NRXN3: variants seen among roughly 807,000 people sequenced by gnomAD.
NRXN3 encodes neurexin III.
A neutral mutation model predicts 137.6 loss-of-function variants in NRXN3; 32 were observed. The ratio of observed to expected loss-of-function variants is 0.23; its 90% CI spans 0.18 to 0.31. The LOEUF is 0.31. NRXN3 is among the 10% of genes least tolerant of loss of function. The pLI is 1.00. For synonymous variants in NRXN3, 798 were observed against 784.5 expected (o/e 1.02, Z -0.29); for missense variants, 1,574 against 2,062.5 (o/e 0.76, Z 4.59).
At chr14:79,622,853 C>T (rs1165392766) in intron 16 of NRXN3, among the ~76,000 whole-genome samples, 1 of 152,170 alleles carries the variant, frequency 6.6e-6, no homozygotes, top group Non-Finnish European at 1.5e-5. Context: ...GCCTCGGCCT[C>T]CCAAAGTGCT....
At chr14:78,175,889 A>C (rs1012787691) in intron 1 of NRXN3, among the ~76,000 whole-genome samples, 1 of 152,178 alleles carries the variant, frequency 6.6e-6, no homozygotes, top group African/African-American at 2.4e-5. Flanking sequence ...TCATTATTTA[A>C]TATTATATTA....
At chr14:78,441,046 G>GT (rs1156774299) in intron 4 of NRXN3, among the ~76,000 whole-genome samples, 10 of 152,114 alleles carry the variant, frequency 6.6e-5, no homozygotes, top group African/African-American at 1.2e-4. Flanking sequence ...CTGTCCTGAA[G>GT]GCTGCACCTC....
chr14:78,262,965 G>A (rs17754986), intron 2 of NRXN3, among the ~76,000 whole-genome samples: 25,702 of 152,052 alleles, frequency 0.17, 2,548 homozygotes, highest in Middle Eastern at 0.25. Context: ...GTAGTACAAA[G>A]ATACACAAGG....
chr14:78,421,104 A>C (rs1313335069), intron 4 of NRXN3, among the ~76,000 whole-genome samples: 1 of 152,148 alleles, frequency 6.6e-6, no homozygotes, highest in Non-Finnish European at 1.5e-5. Flanking sequence ...CTCTACTAAA[A>C]ATACAAAAAT....
At position 79,767,454 on chromosome 14, in the gene NRXN3, CT is replaced by C. The variant is rs536976821; in HGVS notation, c.4015-37657del. 3.6e-4 allele frequency among the ~76,000 whole-genome samples: 55 copies of C among 152,308 alleles called. 1 individual carries two copies. The South Asian group carries it at 0.01, about 29-fold the overall frequency. Reference sequence around the variant, plus strand: ...CCATGTCAGATTTTTCACTTATATGCTGTCATAACCTCATGCATTTCTCTTT... The same window carrying C: ...CCATGTCAGATTTTTCACTTATATGCGTCATAACCTCATGCATTTCTCTTT... On this transcript the variant is annotated intron_variant, in intron 19 of 20. Transcript: ENST00000335750.
intron 15 of NRXN3, among the ~76,000 whole-genome samples, chr14:79,368,435 A>G (rs1258389394): frequency 1.3e-5 from 2 of 152,258 alleles, no homozygotes; most frequent in East Asian, 3.9e-4. Flanking sequence ...TAATAAGCAC[A>G]GAATAAAGAA....
At chr14:79,739,266 G>A (rs1313810618) in intron 19 of NRXN3, among the ~76,000 whole-genome samples, 1 of 152,124 alleles carries the variant, frequency 6.6e-6, no homozygotes, top group Non-Finnish European at 1.5e-5. Flanking sequence ...CATAAAACAG[G>A]AAGGACAAGA....
intron 16 of NRXN3, among the ~76,000 whole-genome samples, chr14:79,546,769 T>C (rs891251265): frequency 3.3e-5 from 5 of 152,170 alleles, no homozygotes; most frequent in Admixed American, 1.3e-4. Flanking sequence ...GGACTGTTCA[T>C]CAAGTCATTT....
intron 16 of NRXN3, among the ~76,000 whole-genome samples, chr14:79,471,900 C>T (rs1009873376): frequency 2.0e-5 from 3 of 151,982 alleles, no homozygotes; most frequent in Non-Finnish European, 4.4e-5. Flanking sequence ...TAGGTAAACT[C>T]GTGTCATGGG....
intron 15 of NRXN3, among the ~76,000 whole-genome samples, chr14:79,285,868 C>T (rs1478272060): frequency 6.6e-6 from 1 of 150,554 alleles, no homozygotes; most frequent in Non-Finnish European, 1.5e-5. Flanking sequence ...CCCCACCGCC[C>T]CCCACCATCC....
intron 15 of NRXN3, among the ~76,000 whole-genome samples, chr14:79,090,593 G>A (rs2048972943): frequency 6.6e-6 from 1 of 151,896 alleles, no homozygotes; most frequent in Non-Finnish European, 1.5e-5. Flanking sequence ...CAGTGCTTCT[G>A]TCACCATGGC....
At chr14:78,819,451 G>A (rs2098944245) in intron 10 of NRXN3, among the ~76,000 whole-genome samples, 1 of 152,084 alleles carries the variant, frequency 6.6e-6, no homozygotes, top group South Asian at 2.1e-4. Flanking sequence ...AAGTAATTTA[G>A]AGATTAGAGT....
chr14:78,698,884 A>G (rs2098252738), intron 6 of NRXN3, among the ~76,000 whole-genome samples: 4 of 151,974 alleles, frequency 2.6e-5, no homozygotes. Flanking sequence ...CTACCTTTTC[A>G]TCTCATTACT....
At chr14:79,026,220 T>A (rs1436495010) in intron 15 of NRXN3, among the ~76,000 whole-genome samples, 1 of 152,190 alleles carries the variant, frequency 6.6e-6, no homozygotes, top group Non-Finnish European at 1.5e-5. Flanking sequence ...TCCATTCTTT[T>A]ATGATGGGAA....
intron 15 of NRXN3, among the ~76,000 whole-genome samples, chr14:79,105,439 A>T (rs1452135276): frequency 6.6e-6 from 1 of 152,172 alleles, no homozygotes; most frequent in Non-Finnish European, 1.5e-5. Flanking sequence ...GGCTAAAGAA[A>T]GTACATTAAA....
At chr14:78,415,654 ATGTT>A (rs1293083881) in intron 4 of NRXN3, among the ~76,000 whole-genome samples, 1 of 152,122 alleles carries the variant, frequency 6.6e-6, no homozygotes, top group East Asian at 1.9e-4. Context: ...TATGGACTGA[ATGTT>A]TGTGTCCCCT....
At chr14:78,428,100 TA>T (rs1463705714) in intron 4 of NRXN3, among the ~76,000 whole-genome samples, 1 of 152,222 alleles carries the variant, frequency 6.6e-6, no homozygotes, top group Non-Finnish European at 1.5e-5. Context: ...ACAGGGTTTT[TA>T]AAAGGACTAA....
chr14:78,267,143 T>C (rs1324082068), intron 2 of NRXN3, among the ~76,000 whole-genome samples: 1 of 152,216 alleles, frequency 6.6e-6, no homozygotes, highest in Non-Finnish European at 1.5e-5. Context: ...AACAGGGAAT[T>C]AGTATGTGCT....
At chr14:78,376,473 G>A (rs1328185913) in intron 4 of NRXN3, among the ~76,000 whole-genome samples, 1 of 152,168 alleles carries the variant, frequency 6.6e-6, no homozygotes, top group Non-Finnish European at 1.5e-5. Flanking sequence ...ATTGGTCCCT[G>A]TTCCATCCTT....
Sources: allele counts gnomAD v4.1 joint callset (sites outside exome capture counted in the v4.1 genomes callset), GRCh38; gene constraint gnomAD v4.1.1; transcripts MANE v1.5; gene names NCBI Gene and HGNC (gene_info 2026-07-23, HGNC 2026-07-21).